The following ZNF423 variants were observed in gnomAD, a reference collection of about 807,000 sequenced individuals.
The protein encoded by ZNF423 is Ebf-associated zinc finger protein.
Under a neutral mutation model 95.8 loss-of-function variants are expected in ZNF423, and 12 were observed. The ratio of observed to expected loss-of-function variants is 0.13; its 90% CI spans 0.08 to 0.20. The LOEUF (loss-of-function observed/expected upper bound fraction) is 0.20. ZNF423 is among the 10% of genes least tolerant of loss of function. The pLI, the probability that ZNF423 is intolerant of heterozygous loss-of-function variation, is 1.00. For synonymous variants in ZNF423, 749 were observed against 711.9 expected (o/e 1.05, Z -0.83); for missense variants, 1,316 against 1,737.1 (o/e 0.76, Z 4.31).
intron 4 of ZNF423, among the ~76,000 whole-genome samples, chr16:49,634,095 A>G (rs1972598577): frequency 6.6e-6 from 1 of 151,402 alleles, no homozygotes; most frequent in Admixed American, 6.6e-5. Context: ...TTTAGTAGAG[A>G]CGGGGTTTCA....
intron 3 of ZNF423, among the ~76,000 whole-genome samples, chr16:49,650,633 C>A (rs1294107984): frequency 6.6e-6 from 1 of 152,148 alleles, no homozygotes. Flanking sequence ...GGCCACACAC[C>A]CAGGCATCCT....
chr16:49,541,830 TGAA>T (rs1351226188), intron 5 of ZNF423, among the ~76,000 whole-genome samples: 1 of 152,214 alleles, frequency 6.6e-6, no homozygotes, highest in African/African-American at 2.4e-5. Context: ...TGCTGCCATG[TGAA>T]GAAGGACATG....
At chr16:49,819,115 T>C (rs1353059272) in intron 1 of ZNF423, among the ~76,000 whole-genome samples, 3 of 151,106 alleles carry the variant, frequency 2.0e-5, no homozygotes, top group Non-Finnish European at 2.9e-5. Context: ...TAGCCGGGCG[T>C]GGTAGTGGGT....
At chr16:49,570,458 T>C (rs1970319994) in intron 5 of ZNF423, among the ~76,000 whole-genome samples, 1 of 152,206 alleles carries the variant, frequency 6.6e-6, no homozygotes, top group African/African-American at 2.4e-5. Context: ...TCTTCATTTA[T>C]ATGGTGAGTT....
chr16:49,676,255 G>A lies in ZNF423; in HGVS notation c.302-37381C>T, dbSNP rs570403514. Among the ~76,000 whole-genome samples the A allele has an allele frequency of 1.2e-4, 18 of 152,326 alleles. 2 individuals carry two copies. Among genetic ancestry groups the A allele is most frequent in the African/African-American group, 3.4e-4 (14 of 41,570 alleles). ...TTGCAGCTGTGCTGCAGAGCTCCAC[G>A]AGGCACTAACTGAGATACACACACA... On this transcript the variant is annotated intron_variant, in intron 3 of 7. Coordinates refer to ENST00000563137, the MANE Select transcript of ZNF423 (RefSeq NM_001379286.1).
chr16:49,522,809 G>A (rs1422043240), intron 7 of ZNF423, among the ~76,000 whole-genome samples: 3 of 152,118 alleles, frequency 2.0e-5, no homozygotes, highest in Non-Finnish European at 2.9e-5. Context: ...TATGGTCCAG[G>A]TACAGTGAAT....
intron 3 of ZNF423, among the ~76,000 whole-genome samples, chr16:49,675,644 A>G (rs1429641789): frequency 6.6e-6 from 1 of 152,112 alleles, no homozygotes. Context: ...AACACACCCA[A>G]GTGCTCACAC....
intron 4 of ZNF423, among the ~76,000 whole-genome samples, chr16:49,627,407 CACCCATCCATCCATCCTCCATCT>C (rs1333560176): frequency 4.1e-5 from 6 of 145,904 alleles, no homozygotes; most frequent in African/African-American, 1.3e-4. Context: ...CCATATACTC[CACCCATCCATCCATCCTCCATCT>C]ACCCATCCAT....
At chr16:49,751,680 T>A (rs2033635491) in intron 2 of ZNF423, among the ~76,000 whole-genome samples, 1 of 152,326 alleles carries the variant, frequency 6.6e-6, no homozygotes, top group Admixed American at 6.5e-5. Context: ...TCTTCTGATT[T>A]ATTAAAGAGT....
chr16:49,742,601 T>A (rs1223957159), intron 2 of ZNF423, among the ~76,000 whole-genome samples: 2 of 151,866 alleles, frequency 1.3e-5, no homozygotes, highest in East Asian at 3.9e-4. Context: ...TGTCATGTTT[T>A]GTCTCTGGGA....
intron 1 of ZNF423, among the ~76,000 whole-genome samples, chr16:49,847,984 G>C (rs942437413): frequency 6.6e-6 from 1 of 152,066 alleles, no homozygotes; most frequent in African/African-American, 2.4e-5. Flanking sequence ...TTAGCCTGTA[G>C]TTCTAGCTAC....
chr16:49,845,849 G>A (rs1962625346), intron 1 of ZNF423, among the ~76,000 whole-genome samples: 1 of 152,020 alleles, frequency 6.6e-6, no homozygotes, highest in Admixed American at 6.5e-5. Context: ...ACCCAGCCAA[G>A]GCCATTTCTG....
At chr16:49,682,323 T>C (rs1040578901) in intron 3 of ZNF423, among the ~76,000 whole-genome samples, 4 of 152,118 alleles carry the variant, frequency 2.6e-5, no homozygotes, top group African/African-American at 9.7e-5. Flanking sequence ...TGAATGACCA[T>C]GCTAGAGCTT....
intron 3 of ZNF423, among the ~76,000 whole-genome samples, chr16:49,666,773 TCTTATTTCC>T (rs1219235904): frequency 6.6e-6 from 1 of 152,208 alleles, no homozygotes; most frequent in Non-Finnish European, 1.5e-5. Context: ...TAGTAAGGAC[TCTTATTTCC>T]CTGGAGTAGT....
chr16:49,703,772 G>A (rs1235989385), intron 3 of ZNF423, among the ~76,000 whole-genome samples: 1 of 152,234 alleles, frequency 6.6e-6, no homozygotes, highest in African/African-American at 2.4e-5. Context: ...TTCTGGAGCT[G>A]GCTGGCTCCT....
intron 1 of ZNF423, among the ~76,000 whole-genome samples, chr16:49,821,775 C>T (rs1339930714): frequency 6.6e-6 from 1 of 152,166 alleles, no homozygotes; most frequent in Non-Finnish European, 1.5e-5. Context: ...CACTCAGGCC[C>T]TTCTGTGGGC....
At chr16:49,720,942 C>T (rs770901383) in intron 3 of ZNF423, among the ~76,000 whole-genome samples, 8 of 152,238 alleles carry the variant, frequency 5.3e-5, no homozygotes, top group Non-Finnish European at 8.8e-5. Context: ...TTGGTCCTGG[C>T]CATTCTACAG....
intron 3 of ZNF423, among the ~76,000 whole-genome samples, chr16:49,696,180 C>T (rs1468031249): frequency 6.6e-6 from 1 of 152,222 alleles, no homozygotes; most frequent in East Asian, 1.9e-4. Context: ...CTTTTCCTTT[C>T]CTTCCTCTCG....
At chr16:49,706,991 A>G (rs1352232429) in intron 3 of ZNF423, among the ~76,000 whole-genome samples, 1 of 152,198 alleles carries the variant, frequency 6.6e-6, no homozygotes, top group Non-Finnish European at 1.5e-5. Flanking sequence ...GATCTGTTAA[A>G]CACACACACC....
Sources: gnomAD v4.1 joint callset for allele counts (sites outside exome capture counted in the v4.1 genomes callset) on GRCh38, gnomAD v4.1.1 for gene constraint, MANE v1.5 for transcripts, NCBI Gene and HGNC (gene_info 2026-07-23, HGNC 2026-07-21) for gene names.